The following TMEM74 variants were observed in gnomAD, a reference collection of about 807,000 sequenced individuals.
The protein encoded by TMEM74 is transmembrane protein 74.
A neutral mutation model predicts 18.1 loss-of-function variants in TMEM74; 13 were observed. That is an observed-to-expected ratio of 0.72 (90% CI 0.47 to 1.14). TMEM74 has a LOEUF of 1.14. Among genes scored for constraint, TMEM74 ranks in the 50% most tolerant of loss-of-function variants. The pLI, the probability that TMEM74 is intolerant of heterozygous loss-of-function variation, is 0.00. For synonymous variants in TMEM74, 159 were observed against 146.6 expected (o/e 1.08, Z -0.61); for missense variants, 372 against 375.9 (o/e 0.99, Z 0.09).
chr8:108,618,753 T>C lies in TMEM74; in HGVS notation n.265-9927A>G, dbSNP rs916095369. ...TGAGAGGAGTTACTTATGTTTAGTATGTTTTATTAAACTAGAGAAGGATGA... is the reference window on the plus strand; with the variant it reads ...TGAGAGGAGTTACTTATGTTTAGTACGTTTTATTAAACTAGAGAAGGATGA... On this transcript the variant is annotated intron_variant and non_coding_transcript_variant, in intron 2 of 3. Coordinates refer to the TMEM74 transcript ENST00000518838. Among the ~76,000 whole-genome samples, 6 of 152,204 alleles carry C rather than the reference T, an allele frequency of 3.9e-5. No homozygotes were observed. In the East Asian group the frequency reaches 7.7e-4, roughly 20 times the overall value.
At chr8:108,744,986 A>AT (rs1359539261) in intron 1 of TMEM74, among the ~76,000 whole-genome samples, 1 of 152,102 alleles carries the variant, frequency 6.6e-6, no homozygotes, top group African/African-American at 2.4e-5. Flanking sequence ...GGGACCTGAG[A>AT]TTTTTTATTT....
At chr8:108,648,418 C>T (rs563438345) in intron 2 of TMEM74, among the ~76,000 whole-genome samples, 2 of 152,090 alleles carry the variant, frequency 1.3e-5, no homozygotes, top group East Asian at 1.9e-4. Flanking sequence ...GCTGTCTGTG[C>T]GAGGCAAAAT....
chr8:108,667,234 A>T (rs896808693), intron 1 of TMEM74, among the ~76,000 whole-genome samples: 4 of 152,174 alleles, frequency 2.6e-5, no homozygotes, highest in African/African-American at 9.6e-5. Context: ...TGGTTATTCC[A>T]CTTTTGTGAG....
intron 1 of TMEM74, among the ~76,000 whole-genome samples, chr8:108,711,262 C>T (rs1813472295): frequency 6.6e-6 from 1 of 152,170 alleles, no homozygotes; most frequent in South Asian, 2.1e-4. Context: ...AGGTTCCACT[C>T]CTGGTCTCTC....
At chr8:108,777,499 A>G (rs572313537), downstream of TMEM74, among the ~76,000 whole-genome samples, 2 of 152,202 alleles carry the variant, frequency 1.3e-5, no homozygotes, top group East Asian at 3.8e-4. Context: ...ATAAATCACT[A>G]TATTACCTAA....
intron 1 of TMEM74, among the ~76,000 whole-genome samples, chr8:108,684,863 G>A (rs1216308618): frequency 6.6e-6 from 1 of 151,712 alleles, no homozygotes; most frequent in East Asian, 1.9e-4. Flanking sequence ...TACGATCTAG[G>A]TGTGGAATAC....
At chr8:108,664,477 A>G (rs1196756742) in intron 1 of TMEM74, among the ~76,000 whole-genome samples, 2 of 152,088 alleles carry the variant, frequency 1.3e-5, no homozygotes, top group African/African-American at 4.8e-5. Flanking sequence ...CATTGATTAC[A>G]TTGATTTTGT....
At chr8:108,626,338 T>C (rs1179856184) in intron 2 of TMEM74, among the ~76,000 whole-genome samples, 1 of 152,068 alleles carries the variant, frequency 6.6e-6, no homozygotes, top group African/African-American at 2.4e-5. Flanking sequence ...TTTTATGATA[T>C]TATGCACCTC....
intron 1 of TMEM74, among the ~76,000 whole-genome samples, chr8:108,740,163 G>A (rs530922367): frequency 1.3e-5 from 2 of 152,252 alleles, no homozygotes; most frequent in East Asian, 3.9e-4. Context: ...ACATTCCAGA[G>A]GACATTATGT....
intron 2 of TMEM74, among the ~76,000 whole-genome samples, chr8:108,641,790 C>G (rs3019396): frequency 0.22 from 33,095 of 151,802 alleles, 3,591 homozygotes; most frequent in East Asian, 0.27. Context: ...GTCATGGAAG[C>G]CTTCTCCTTC....
chr8:108,768,530 C>T (rs1453049874), intron 1 of TMEM74, among the ~76,000 whole-genome samples: 1 of 152,128 alleles, frequency 6.6e-6, no homozygotes, highest in Non-Finnish European at 1.5e-5. Context: ...ATAATCATGA[C>T]ATACATAGGT....
intron 1 of TMEM74, among the ~76,000 whole-genome samples, chr8:108,717,494 A>T (rs952718069): frequency 2.0e-5 from 3 of 152,160 alleles, no homozygotes; most frequent in Non-Finnish European, 4.4e-5. Context: ...TTGATATCTT[A>T]GTGGGAGAGT....
At chr8:108,636,598 G>C (rs1238423804) in intron 2 of TMEM74, among the ~76,000 whole-genome samples, 1 of 152,068 alleles carries the variant, frequency 6.6e-6, no homozygotes, top group Non-Finnish European at 1.5e-5. Context: ...CATTTTGGAA[G>C]ATCAGGCCTA....
chr8:108,709,722 C>A (rs959399798), intron 1 of TMEM74, among the ~76,000 whole-genome samples: 1 of 151,850 alleles, frequency 6.6e-6, no homozygotes, highest in African/African-American at 2.4e-5. Context: ...AAAAATACTC[C>A]CCAAAACAAA....
intron 1 of TMEM74, among the ~76,000 whole-genome samples, chr8:108,699,700 T>C (rs916805100): frequency 5.3e-5 from 8 of 152,212 alleles, no homozygotes; most frequent in African/African-American, 1.9e-4. Flanking sequence ...ACAATGCCTA[T>C]TAGATGCACA....
At chr8:108,656,472 A>G (rs1032803848) in intron 1 of TMEM74, among the ~76,000 whole-genome samples, 2 of 152,214 alleles carry the variant, frequency 1.3e-5, no homozygotes, top group African/African-American at 2.4e-5. Context: ...GAACTTCAAT[A>G]TCTTCTTCCA....
At chr8:108,732,546 G>A (rs1305989183) in intron 1 of TMEM74, among the ~76,000 whole-genome samples, 1 of 151,720 alleles carries the variant, frequency 6.6e-6, no homozygotes, top group Non-Finnish European at 1.5e-5. Context: ...TAATAAAGAC[G>A]GATTAAAATA....
intron 2 of TMEM74, among the ~76,000 whole-genome samples, chr8:108,642,276 G>C (rs1812673022): frequency 6.6e-6 from 1 of 151,462 alleles, no homozygotes; most frequent in Non-Finnish European, 1.5e-5. Context: ...GTGCATGCCT[G>C]TAATCCCAGC....
At chr8:108,744,148 G>A (rs921672249) in intron 1 of TMEM74, among the ~76,000 whole-genome samples, 14 of 152,062 alleles carry the variant, frequency 9.2e-5, no homozygotes, top group Admixed American at 2.6e-4. Context: ...AGAGCTTGCC[G>A]GGTGGCAAAT....
Sources: allele counts gnomAD v4.1 joint callset (sites outside exome capture counted in the v4.1 genomes callset), GRCh38; gene constraint gnomAD v4.1.1; transcripts MANE v1.5; gene names NCBI Gene and HGNC (gene_info 2026-07-23, HGNC 2026-07-21).